TEKT4: variants seen among roughly 807,000 people sequenced by gnomAD.
TEKT4 encodes the protein tektin-4.
TEKT4 carries 46 observed loss-of-function variants against 46.0 expected under a neutral mutation model. The observed-to-expected ratio is 1.00, with a 90% CI of 0.79 to 1.28. The LOEUF is 1.28. Among genes scored for constraint, TEKT4 ranks in the 50% most tolerant of loss-of-function variants. The pLI is 0.00. For missense variants in TEKT4, 790 were observed against 622.9 expected (o/e 1.27, Z -2.85); for synonymous variants, 325 against 265.8 (o/e 1.22, Z -2.17).
intron 2 of TEKT4, 107 bp from the exon 3 acceptor site, chr2:94,873,858 C>T: frequency 1.3e-6 from 2 of 1,491,696 alleles, no homozygotes; most frequent in Non-Finnish European, 9.1e-7. Context: ...CAGGCCCACC[C>T]AGAACTCCCT....
chr2:94,873,129 T>C, intron 1 of TEKT4: 1 of 1,226,508 alleles, frequency 8.2e-7, no homozygotes. Flanking sequence ...CACAGAGCCC[T>C]GAGGGGCAGC....
chr2:94,874,730 C>T lies in TEKT4; in HGVS notation c.714-46C>T, dbSNP rs1438226063. The T allele has an allele frequency of 1.6e-5, 24 of 1,487,002 alleles. 1 individual carries two copies. Among genetic ancestry groups the T allele is most frequent in the East Asian group, 1.2e-4 (5 of 40,646 alleles). The allele number at this position is 1,487,002 out of a possible 1,614,324, so 92.1% of individuals were successfully genotyped here. On this transcript the variant is annotated intron_variant, in intron 3 of 5. Coordinates refer to ENST00000295201, the MANE Select transcript of TEKT4 (RefSeq NM_144705.4). ...GGGGCGCAGCAGGGCTCCCAGCCTTCGGCAGAGCCTCCCCGACCCTCTCCT... is the reference window on the plus strand; with the variant it reads ...GGGGCGCAGCAGGGCTCCCAGCCTTTGGCAGAGCCTCCCCGACCCTCTCCT...
chr2:94,875,539 A>G (rs781795833), intron 4 of TEKT4, 49 bp from the exon 5 acceptor site: 2 of 1,610,418 alleles, frequency 1.2e-6, no homozygotes, highest in South Asian at 2.2e-5. Context: ...GGCGTTCTAT[A>G]TACCCGGGCA....
At chr2:94,876,271 T>A (rs1553396507) in intron 5 of TEKT4, among the ~76,000 whole-genome samples, 2 of 152,160 alleles carry the variant, frequency 1.3e-5, no homozygotes, top group Non-Finnish European at 2.9e-5. Flanking sequence ...CCATCAAGTA[T>A]CAGGAATGGA....
chr2:94,873,417 C>A, intron 1 of TEKT4, 103 bp from the exon 2 acceptor site: 1 of 1,587,976 alleles, frequency 6.3e-7, no homozygotes, highest in Non-Finnish European at 8.6e-7. Flanking sequence ...CGGCATTCAA[C>A]TCCTTGTGGT....
At chr2:94,872,979 G>T in intron 1 of TEKT4, 2 of 1,289,440 alleles carry the variant, frequency 1.6e-6, no homozygotes, top group Middle Eastern at 2.1e-4. Flanking sequence ...GGCACACAAG[G>T]AAGTACCCAG....
chr2:94,873,219 G>A, intron 1 of TEKT4: 1 of 1,279,568 alleles, frequency 7.8e-7, no homozygotes, highest in African/African-American at 1.5e-5. Context: ...GTTCCCAGGT[G>A]CACTGAGTGA....
chr2:94,874,094 C>T lies in TEKT4; in HGVS notation c.699C>T (p.Thr233=). The T allele has an allele frequency of 6.2e-7, 1 of 1,613,548 alleles. No individual in the cohort carries two copies. The highest frequency in any genetic ancestry group is 8.5e-7 in the Non-Finnish European group (1 of 1,179,914). ...STEVQAHPYS[T]TFQESASTPE... ...AGGTGCAGGCTCATCCGTACTCCAC[C>T]ACCTTCCAAGAGAGGTGGGCCCCAG... is the stretch of plus-strand genomic sequence containing the variant. Residue 233 remains threonine (T), a synonymous_variant, in exon 3 of 6, where the codon ACC becomes ACT. Coordinates refer to ENST00000295201, the MANE Select transcript of TEKT4 (RefSeq NM_144705.4).
chr2:94,875,055 A>T, intron 4 of TEKT4, 57 bp downstream of exon 4: 5 of 1,492,600 alleles, frequency 3.3e-6, no homozygotes, highest in Non-Finnish European at 3.6e-6. Flanking sequence ...CTGGGCCCTC[A>T]ACACCTTTCT....
In TEKT4 at chr2:94,875,620, C is replaced by T. The variant is rs782764779; in HGVS notation, c.969C>T (p.Asn323=). ...GGGAAATCACAGATCAGGAACACAA[C>T]GTGGCGGCACTGAAGCAGGCCATCA... ...TLREITDQEH[N]VAALKQAIKD... is the part of the protein sequence containing the mutation. The change falls in exon 5 of 6, where the codon AAC becomes AAT. Residue 323 remains asparagine (N), a synonymous_variant. Coordinates refer to ENST00000295201, the MANE Select transcript of TEKT4 (RefSeq NM_144705.4). 1.9e-5 allele frequency: 30 copies of T among 1,614,032 alleles called. No homozygotes were observed. Among genetic ancestry groups the T allele is most frequent in the Middle Eastern group, 1.6e-4 (1 of 6,078 alleles).
chr2:94,876,416 T>C (rs565644184), intron 5 of TEKT4, 137 bp from the exon 6 acceptor site: 9 of 706,246 alleles, frequency 1.3e-5, no homozygotes, highest in Non-Finnish European at 2.1e-5. Flanking sequence ...AGAGCTGCTT[T>C]CCTGATGGGG....
At position 94,871,775 on chromosome 2, in the gene TEKT4, C is replaced by T. The variant is rs75859449; in HGVS notation, c.196C>T (p.Arg66Trp). Reference protein sequence around the residue: ...FADRDQSERQRHESQQLATET... With the variant: ...FADRDQSERQWHESQQLATET... The stretch of plus-strand genomic sequence containing the variant: ...CGACCGCGACCAGTCGGAGCGGCAG[C>T]GGCACGAGAGCCAGCAGCTGGCCAC... The change falls in exon 1 of 6, where the codon CGG (arginine) becomes TGG (tryptophan). Residue 66 changes from arginine (R) to tryptophan (W), a missense_variant. Physicochemically the swap from Arg to Trp is moderately radical, Grantham distance 101. Coordinates refer to ENST00000295201, the MANE Select transcript of TEKT4 (RefSeq NM_144705.4). The T allele has an allele frequency of 1.3e-5, 21 of 1,612,090 alleles. No individual in the cohort carries two copies. In the Admixed American group the frequency reaches 2.0e-4, roughly 15 times the overall value.
chr2:94,873,785 T>G (rs1680691478), intron 2 of TEKT4, among the ~76,000 whole-genome samples, 180 bp from the exon 3 acceptor site: 1 of 152,046 alleles, frequency 6.6e-6, no homozygotes, highest in Non-Finnish European at 1.5e-5. Flanking sequence ...CCACATCTGA[T>G]CTGCAGCCTC....
Position 94,875,595 on chromosome 2 carries a change from G to T in TEKT4, c.944G>T (p.Arg315Leu), listed in dbSNP as rs184833673. ...GAACTGTCCTGTCTGCAGACACTGC[G>T]GGAAATCACAGATCAGGAACACAAC... ...KLHHHLHKTL[R>L]EITDQEHNVA... Residue 315 changes from arginine to leucine, a missense_variant, in exon 5 of 6, where the codon CGG becomes CTG. Physicochemically the swap from Arg to Leu is moderately radical, Grantham distance 102. Transcript: ENST00000295201. 1 of 1,614,176 alleles carries T rather than the reference G, an allele frequency of 6.2e-7. No homozygotes were observed. Among genetic ancestry groups the T allele is most frequent in the Non-Finnish European group, 8.5e-7 (1 of 1,179,990 alleles).
rs201662522 is a variant in TEKT4, at chr2:94,874,110, T to C, written c.713+2T>C. The C allele has an allele frequency of 4.3e-6, 7 of 1,612,930 alleles. No homozygotes were observed. The highest frequency in any genetic ancestry group is 4.5e-5 in the East Asian group (2 of 44,864). On this transcript the variant is annotated splice_donor_variant, in intron 3 of 5. Transcript: ENST00000295201. LOFTEE classifies it high-confidence loss of function. ...GTACTCCACCACCTTCCAAGAGAGGTGGGCCCCAGCTCTGCCCCTGCACTT... is the reference window on the plus strand; with the variant it reads ...GTACTCCACCACCTTCCAAGAGAGGCGGGCCCCAGCTCTGCCCCTGCACTT...
chr2:94,873,170 G>C, intron 1 of TEKT4: 1 of 1,237,656 alleles, frequency 8.1e-7, no homozygotes, highest in South Asian at 1.5e-5. Context: ...CCAGAGTTTG[G>C]GTCCTCAGGG....
In TEKT4 at chr2:94,871,870, C is replaced by T. The variant is rs1553394619; in HGVS notation, c.291C>T (p.Asp97=). The change falls in exon 1 of 6, where the codon GAC becomes GAT. Residue 97 remains aspartate, a synonymous_variant. Transcript: ENST00000295201. ...GCACAGTGGGCGAGCGACTGCAGGA[C>T]ACGCACAGCTGGAAGTCGGAGCTGC... ...STRTVGERLQ[D]THSWKSELQR... 6.2e-7 allele frequency: 1 copy of T among 1,600,878 alleles called. No individual in the cohort carries two copies. The highest frequency in any genetic ancestry group is 1.7e-5 in the Admixed American group (1 of 58,990).
intron 4 of TEKT4, 60 bp downstream of exon 4, chr2:94,875,058 A>G: frequency 6.8e-7 from 1 of 1,478,780 alleles, no homozygotes; most frequent in Admixed American, 2.1e-5. Flanking sequence ...GGCCCTCAAC[A>G]CCTTTCTCCT....
intron 5 of TEKT4, among the ~76,000 whole-genome samples, chr2:94,876,325 G>A (rs1264122572): frequency 6.6e-6 from 1 of 152,140 alleles, no homozygotes; most frequent in African/African-American, 2.4e-5. Flanking sequence ...GTCCTGCCAG[G>A]GTCGAGATTG....
Sources: allele counts gnomAD v4.1 joint callset (sites outside exome capture counted in the v4.1 genomes callset), GRCh38; gene constraint gnomAD v4.1.1; transcripts MANE v1.5; gene names NCBI Gene and HGNC (gene_info 2026-07-23, HGNC 2026-07-21).